The following INSL6 variants were observed in gnomAD, a reference collection of about 807,000 sequenced individuals.
The protein encoded by INSL6 is insulin-like peptide INSL6.
In INSL6, 16 loss-of-function variants were observed where a neutral mutation model predicts 9.4. The ratio of observed to expected loss-of-function variants is 1.70; its 90% CI spans 1.15 to 2.59. The LOEUF is 2.59. INSL6 is among the 30% of genes most tolerant of loss of function. The pLI, the probability that INSL6 is intolerant of heterozygous loss-of-function variation, is 0.00. For synonymous variants in INSL6, 154 were observed against 96.9 expected (o/e 1.59, Z -3.46); for missense variants, 391 against 257.3 (o/e 1.52, Z -3.56).
the INSL6 span, among the ~76,000 whole-genome samples, chr9:5,064,125 C>T: frequency 6.6e-6 from 1 of 152,096 alleles, no homozygotes; most frequent in Non-Finnish European, 1.5e-5. Context: ...CATTGCACTC[C>T]AGCCTGGGCG....
the INSL6 span, chr9:5,111,296 G>T: frequency 2.1e-6 from 1 of 475,264 alleles, no homozygotes. Context: ...TGCCGGGCAA[G>T]CTGGCCCTCA....
At chr9:5,112,458 G>A in the INSL6 span, 1 of 538,666 alleles carries the variant, frequency 1.9e-6, no homozygotes, top group Non-Finnish European at 3.4e-6. Flanking sequence ...AGGAGCTGAA[G>A]GACCCCCGGG....
the INSL6 span, among the ~76,000 whole-genome samples, chr9:5,055,516 T>C: frequency 1.3e-5 from 2 of 152,032 alleles, no homozygotes; most frequent in East Asian, 1.9e-4. Flanking sequence ...TAGGGTTAGA[T>C]TGATAGAGTA....
the INSL6 span, chr9:5,099,450 T>C: frequency 6.6e-6 from 1 of 152,254 alleles, no homozygotes; most frequent in African/African-American, 2.4e-5. Context: ...ATCCTGTCAA[T>C]AATCATAACT....
chr9:5,103,645 T>G, the INSL6 span, among the ~76,000 whole-genome samples: 1 of 152,130 alleles, frequency 6.6e-6, no homozygotes, highest in Non-Finnish European at 1.5e-5. Context: ...ATCACACTTA[T>G]TCCAAAATAG....
the INSL6 span, among the ~76,000 whole-genome samples, chr9:5,042,276 T>C: frequency 2.6e-5 from 4 of 151,770 alleles, no homozygotes; most frequent in African/African-American, 9.7e-5. Context: ...TAGCTGGGAC[T>C]ACAGGCGCCC....
chr9:5,034,223 G>C, the INSL6 span, among the ~76,000 whole-genome samples: 1 of 152,116 alleles, frequency 6.6e-6, no homozygotes, highest in African/African-American at 2.4e-5. Context: ...CAATACAGGA[G>C]CACCCAGATT....
the INSL6 span, among the ~76,000 whole-genome samples, chr9:5,106,023 AC>A: frequency 6.6e-6 from 1 of 152,022 alleles, no homozygotes; most frequent in Non-Finnish European, 1.5e-5. Context: ...CATGATGAAA[AC>A]GCCAGAAACA....
chr9:5,178,399 G>T (rs1428021838), intron 1 of INSL6, among the ~76,000 whole-genome samples: 1 of 152,228 alleles, frequency 6.6e-6, no homozygotes, highest in Non-Finnish European at 1.5e-5. Context: ...CAGTACAGCT[G>T]CTTTGGCAGA....
At chr9:5,145,590 T>G (rs1412403317) in intron 2 of INSL6, among the ~76,000 whole-genome samples, 1 of 152,154 alleles carries the variant, frequency 6.6e-6, no homozygotes, top group African/African-American at 2.4e-5. Flanking sequence ...CTTTCAGATA[T>G]ACCAATCAGT....
At chr9:5,183,042 C>T (rs778955842) in intron 1 of INSL6, among the ~76,000 whole-genome samples, 1 of 152,136 alleles carries the variant, frequency 6.6e-6, no homozygotes, top group African/African-American at 2.4e-5. Flanking sequence ...TCTAACACAA[C>T]AACTTGTCCT....
chr9:5,029,794 G>T, the INSL6 span: 1 of 1,610,314 alleles, frequency 6.2e-7, no homozygotes, highest in Non-Finnish European at 8.5e-7. Flanking sequence ...TATCACACCT[G>T]TGTATCATAA....
chr9:5,010,287 C>G, the INSL6 span, among the ~76,000 whole-genome samples: 2 of 151,966 alleles, frequency 1.3e-5, no homozygotes, highest in Non-Finnish European at 2.9e-5. Context: ...TTAAGCCCTA[C>G]CATACACCGT....
the INSL6 span, among the ~76,000 whole-genome samples, chr9:5,069,432 A>C: frequency 6.6e-6 from 1 of 152,190 alleles, no homozygotes; most frequent in Non-Finnish European, 1.5e-5. Context: ...GAGATTTTAA[A>C]CATAATGTGT....
At chr9:5,032,221 A>G in the INSL6 span, among the ~76,000 whole-genome samples, 1 of 152,164 alleles carries the variant, frequency 6.6e-6, no homozygotes, top group Non-Finnish European at 1.5e-5. Flanking sequence ...GCCATTGCCG[A>G]GGGTTGAGTA....
intron 3 of INSL6, chr9:5,128,078 TTTTGTGTGTG>T (rs1824115545): frequency 1.7e-5 from 3 of 172,000 alleles, no homozygotes; most frequent in Non-Finnish European, 2.1e-5. Flanking sequence ...ATATGGTGGG[TTTTGTGTGTG>T]TGTGTGTGTG....
At chr9:5,036,313 A>G in the INSL6 span, among the ~76,000 whole-genome samples, 8 of 152,242 alleles carry the variant, frequency 5.3e-5, no homozygotes, top group Non-Finnish European at 1.0e-4. Flanking sequence ...AAAGTCCTTT[A>G]TGGATTCAAT....
intron 2 of INSL6, among the ~76,000 whole-genome samples, chr9:5,152,260 C>CA: frequency 6.6e-6 from 1 of 152,094 alleles, no homozygotes; most frequent in African/African-American, 2.4e-5. Context: ...AATATTCCAT[C>CA]AAAAAATAGC....
intron 3 of INSL6, among the ~76,000 whole-genome samples, chr9:5,125,238 T>C (rs1823898088): frequency 6.6e-6 from 1 of 151,092 alleles, no homozygotes; most frequent in African/African-American, 2.4e-5. Context: ...TTTATAACTT[T>C]TATAAAAGTT....
Sources: gnomAD v4.1 joint callset for allele counts (sites outside exome capture counted in the v4.1 genomes callset) on GRCh38, gnomAD v4.1.1 for gene constraint, MANE v1.5 for transcripts, NCBI Gene and HGNC (gene_info 2026-07-23, HGNC 2026-07-21) for gene names.